Variants in RHOBTB1 observed in about 807,000 individuals in gnomAD.
RHOBTB1 encodes Rho related BTB domain containing 1.
RHOBTB1 carries 40 observed loss-of-function variants against 71.6 expected under a neutral mutation model. That is an observed-to-expected ratio of 0.56 (90% CI 0.43 to 0.73). The LOEUF (loss-of-function observed/expected upper bound fraction) is 0.73, where lower values mean the gene tolerates loss of function less well. Among genes scored for constraint, RHOBTB1 ranks in the 30% least tolerant of loss-of-function variants. RHOBTB1 has a pLI of 0.00. For synonymous variants in RHOBTB1, 319 were observed against 334.9 expected (o/e 0.95, Z 0.52); for missense variants, 797 against 894.0 (o/e 0.89, Z 1.38).
intron 7 of RHOBTB1, among the ~76,000 whole-genome samples, chr10:60,880,263 C>CAGAG (rs374461338): frequency 3.7e-5 from 4 of 107,140 alleles, no homozygotes; most frequent in Non-Finnish European, 8.3e-5. Context: ...GAGTGAGAGA[C>CAGAG]AGAGAGAGAG....
At chr10:60,976,783 T>C (rs1214761331) in intron 2 of RHOBTB1, among the ~76,000 whole-genome samples, 1 of 152,038 alleles carries the variant, frequency 6.6e-6, no homozygotes, top group Non-Finnish European at 1.5e-5. Context: ...TCAGAGCACT[T>C]TCTGGATTTG....
In RHOBTB1 at chr10:60,871,021, C is replaced by T. The variant is rs113490752; in HGVS notation, c.*461G>A. The T allele has an allele frequency of 8.5e-5, 13 of 153,068 alleles. No homozygotes were observed. The highest frequency in any genetic ancestry group is 2.9e-4 in the African/African-American group (12 of 41,532). 9.5% of individuals were successfully genotyped at this position (153,068 alleles called of 1,614,324 possible). A position where few individuals can be genotyped will look rare whatever the true frequency, so the allele number is the denominator to read the frequency against. On this transcript the variant is annotated 3_prime_UTR_variant, in exon 11 of 11. Coordinates refer to ENST00000337910, the MANE Select transcript of RHOBTB1 (RefSeq NM_014836.5). The stretch of plus-strand genomic sequence containing the variant: ...AACCCTCTAATTACGTAATAATGCT[C>T]GGTGGTCATGTGGGCAAAGAGAATC...
chr10:60,946,892 G>A (rs1459946501), upstream of RHOBTB1, among the ~76,000 whole-genome samples: 1 of 152,192 alleles, frequency 6.6e-6, no homozygotes, highest in Middle Eastern at 3.2e-3. Context: ...CTAAATCTGA[G>A]GGAAACTGGA....
chr10:60,876,371 G>C (rs2081053749), intron 8 of RHOBTB1, among the ~76,000 whole-genome samples: 2 of 152,038 alleles, frequency 1.3e-5, no homozygotes, highest in Non-Finnish European at 2.9e-5. Flanking sequence ...GAAGTCTAGA[G>C]TTCACACAAA....
chr10:61,000,588 A>G (rs1300846301), intron 1 of RHOBTB1, among the ~76,000 whole-genome samples: 2 of 152,200 alleles, frequency 1.3e-5, no homozygotes, highest in East Asian at 1.9e-4. Flanking sequence ...GAGTGACATC[A>G]CCAGTGATTA....
At chr10:60,925,977 T>C (rs1327167986) in intron 2 of RHOBTB1, among the ~76,000 whole-genome samples, 4 of 152,118 alleles carry the variant, frequency 2.6e-5, no homozygotes, top group Non-Finnish European at 5.9e-5. Context: ...ACACCCGTAA[T>C]CCTAGCACTT....
chr10:60,967,780 TG>T (rs1488862626), intron 2 of RHOBTB1, among the ~76,000 whole-genome samples: 3 of 152,152 alleles, frequency 2.0e-5, no homozygotes, highest in Non-Finnish European at 4.4e-5. Flanking sequence ...GAGACAATGC[TG>T]GTGTTTCTAT....
At chr10:60,902,228 T>G (rs1454252232) in intron 4 of RHOBTB1, among the ~76,000 whole-genome samples, 2 of 152,200 alleles carry the variant, frequency 1.3e-5, no homozygotes, top group Non-Finnish European at 2.9e-5. Context: ...TGATTCAGCT[T>G]CACTGCAATT....
At chr10:60,928,273 C>T (rs956956110) in intron 2 of RHOBTB1, among the ~76,000 whole-genome samples, 9 of 151,652 alleles carry the variant, frequency 5.9e-5, no homozygotes, top group African/African-American at 1.9e-4. Context: ...TCCTCAAAAA[C>T]TAAAAATCAA....
At chr10:60,912,267 A>G (rs2083031088) in intron 2 of RHOBTB1, among the ~76,000 whole-genome samples, 1 of 151,826 alleles carries the variant, frequency 6.6e-6, no homozygotes, top group African/African-American at 2.4e-5. Flanking sequence ...TCACGCTGTC[A>G]CCCAGGCTAC....
At chr10:60,881,072 A>T (rs1460976069) in intron 7 of RHOBTB1, among the ~76,000 whole-genome samples, 1 of 152,198 alleles carries the variant, frequency 6.6e-6, no homozygotes, top group Non-Finnish European at 1.5e-5. Context: ...TTCCCCCCAG[A>T]CTATTCTAGT....
chr10:60,989,189 TGAGA>T (rs1007835737), intron 1 of RHOBTB1, among the ~76,000 whole-genome samples: 1 of 106,182 alleles, frequency 9.4e-6, no homozygotes, highest in African/African-American at 3.5e-5. Context: ...AAAGAGCAAA[TGAGA>T]GAGAAAAAAA....
intron 7 of RHOBTB1, among the ~76,000 whole-genome samples, chr10:60,882,099 A>G (rs1007188658): frequency 2.0e-5 from 3 of 152,184 alleles, no homozygotes; most frequent in African/African-American, 7.2e-5. Flanking sequence ...TGACAACAGA[A>G]AGACCTTTAT....
intron 2 of RHOBTB1, among the ~76,000 whole-genome samples, chr10:60,980,150 CATTAAA>C (rs1310389367): frequency 6.6e-6 from 1 of 152,122 alleles, no homozygotes; most frequent in Non-Finnish European, 1.5e-5. Context: ...CAGTTAAATT[CATTAAA>C]ATTAATAGTT....
chr10:60,932,991 T>C (rs949336584), intron 2 of RHOBTB1, among the ~76,000 whole-genome samples: 6 of 152,262 alleles, frequency 3.9e-5, no homozygotes, highest in Non-Finnish European at 8.8e-5. Flanking sequence ...AGCAATTGTA[T>C]GTAAACATTT....
chr10:60,928,443 A>C (rs2084021987), intron 2 of RHOBTB1, among the ~76,000 whole-genome samples: 1 of 152,074 alleles, frequency 6.6e-6, no homozygotes, highest in Admixed American at 6.6e-5. Flanking sequence ...CAGCAGATGA[A>C]TGGATAAGAA....
At chr10:60,985,009 A>G (rs2086615572) in intron 2 of RHOBTB1, among the ~76,000 whole-genome samples, 1 of 152,232 alleles carries the variant, frequency 6.6e-6, no homozygotes, top group Non-Finnish European at 1.5e-5. Context: ...GTAGTTAAAG[A>G]TAATAAAAGC....
chr10:60,903,734 A>T (rs2082526330), intron 4 of RHOBTB1, among the ~76,000 whole-genome samples: 1 of 152,064 alleles, frequency 6.6e-6, no homozygotes, highest in African/African-American at 2.4e-5. Context: ...TATCTCTGAG[A>T]AAAGGGAACC....
At chr10:60,911,274 C>T in intron 3 of RHOBTB1, 77 bp downstream of exon 3, 1 of 1,377,534 alleles carries the variant, frequency 7.3e-7, no homozygotes, top group Middle Eastern at 2.1e-4. Context: ...TATCCACGCT[C>T]CTCCTTTAGA....
Sources: allele counts gnomAD v4.1 joint callset (sites outside exome capture counted in the v4.1 genomes callset), GRCh38; gene constraint gnomAD v4.1.1; transcripts MANE v1.5; gene names NCBI Gene and HGNC (gene_info 2026-07-23, HGNC 2026-07-21).